Variants in SMAP1 observed in about 807,000 individuals in gnomAD.
SMAP1 encodes the protein stromal membrane-associated protein 1.
In SMAP1, 24 loss-of-function variants were observed where a neutral mutation model predicts 58.5. The ratio of observed to expected loss-of-function variants is 0.41; its 90% CI spans 0.30 to 0.58. SMAP1 has a LOEUF of 0.58. Among genes scored for constraint, SMAP1 ranks in the 20% least tolerant of loss-of-function variants. SMAP1 has a pLI of 0.29. For missense variants in SMAP1, 563 were observed against 566.3 expected (o/e 0.99, Z 0.06); for synonymous variants, 216 against 196.6 (o/e 1.10, Z -0.82).
At chr6:70,809,400 A>G (rs577675191) in intron 6 of SMAP1, among the ~76,000 whole-genome samples, 1 of 152,362 alleles carries the variant, frequency 6.6e-6, no homozygotes, top group Non-Finnish European at 1.5e-5. Flanking sequence ...TTTGATAAAT[A>G]TGTCAGCTAA....
At chr6:70,804,181 G>T (rs1769006342) in intron 6 of SMAP1, among the ~76,000 whole-genome samples, 1 of 152,132 alleles carries the variant, frequency 6.6e-6, no homozygotes, top group African/African-American at 2.4e-5. Context: ...CCTGTATTGG[G>T]TGCATATATA....
intron 2 of SMAP1, among the ~76,000 whole-genome samples, chr6:70,736,980 G>A (rs375045276): frequency 6.6e-6 from 1 of 152,204 alleles, no homozygotes; most frequent in Non-Finnish European, 1.5e-5. Flanking sequence ...TGGTCTTCAT[G>A]TTCCTCTGCC....
chr6:70,749,451 C>T (rs887649352), intron 2 of SMAP1, among the ~76,000 whole-genome samples: 1 of 152,148 alleles, frequency 6.6e-6, no homozygotes, highest in African/African-American at 2.4e-5. Flanking sequence ...ATGTGGCATC[C>T]TTCTGTTAAA....
At position 70,799,622 on chromosome 6, in the gene SMAP1, A is replaced by C. The variant is rs371509810; in HGVS notation, c.576+885A>C. ...ATTGAGGCATAAATTGGATACTGCA[A>C]AGTACATCCATTTAAAGTACATAAT... is the stretch of plus-strand genomic sequence containing the variant. On this transcript the variant is annotated intron_variant, in intron 6 of 10. Transcript: ENST00000370455. 4.6e-5 allele frequency among the ~76,000 whole-genome samples: 7 copies of C among 152,328 alleles called. No individual in the cohort carries two copies. The East Asian group carries it at 1.3e-3, about 29-fold the overall frequency.
intron 1 of SMAP1, among the ~76,000 whole-genome samples, chr6:70,704,759 T>G (rs1265083518): frequency 6.6e-6 from 1 of 152,244 alleles, no homozygotes; most frequent in Non-Finnish European, 1.5e-5. Context: ...TTTGTGAGCT[T>G]GAAAGACAAG....
chr6:70,860,309 C>T lies in SMAP1; in HGVS notation c.1379C>T (p.Thr460Ile). 1 of 1,612,730 alleles carries T rather than the reference C, an allele frequency of 6.2e-7. No individual in the cohort carries two copies. The highest frequency in any genetic ancestry group is 8.5e-7 in the Non-Finnish European group (1 of 1,179,588). ...AGWSGSSSGQ[T>I]LSTQLWK Reference sequence around the variant, plus strand: ...TGGTCTGGAAGCTCATCAGGTCAGACTCTCAGCACACAACTGTGGAAATGA... The same window carrying T: ...TGGTCTGGAAGCTCATCAGGTCAGATTCTCAGCACACAACTGTGGAAATGA... Residue 460 changes from threonine (T) to isoleucine (I), a missense_variant, in exon 11 of 11, where the codon ACT becomes ATT. Coordinates refer to ENST00000370455, the MANE Select transcript of SMAP1 (RefSeq NM_001044305.3).
chr6:70,861,925 G>T lies in SMAP1; in HGVS notation c.*1591G>T, dbSNP rs1252525392. On this transcript the variant is annotated 3_prime_UTR_variant, in exon 11 of 11. Coordinates refer to ENST00000370455, the MANE Select transcript of SMAP1 (RefSeq NM_001044305.3). The stretch of plus-strand genomic sequence containing the variant: ...TGCATCCCTGGCTGGGATCCACGAC[G>T]CTTAAATACAGCTTTTGGATTGGAC... 1 of 1,613,570 alleles carries T rather than the reference G, an allele frequency of 6.2e-7. No homozygotes were observed.
At chr6:70,712,947 A>T (rs190560719) in intron 1 of SMAP1, among the ~76,000 whole-genome samples, 1 of 150,826 alleles carries the variant, frequency 6.6e-6, no homozygotes, top group Non-Finnish European at 1.5e-5. Flanking sequence ...ATGTGCCACC[A>T]CACCTGGCTC....
intron 3 of SMAP1, among the ~76,000 whole-genome samples, chr6:70,766,642 A>G (rs1767000789): frequency 6.6e-6 from 1 of 152,126 alleles, no homozygotes; most frequent in South Asian, 2.1e-4. Context: ...GATTCTGGTT[A>G]TTAGCCCTTT....
intron 7 of SMAP1, among the ~76,000 whole-genome samples, chr6:70,843,625 C>T (rs1275148076): frequency 6.6e-6 from 1 of 152,182 alleles, no homozygotes; most frequent in African/African-American, 2.4e-5. Flanking sequence ...AAAACTCTAA[C>T]AGGTGAGATT....
At chr6:70,829,264 CTTTTTG>C (rs533047776) in intron 6 of SMAP1, among the ~76,000 whole-genome samples, 200 of 150,378 alleles carry the variant, frequency 1.3e-3, no homozygotes, top group Non-Finnish European at 2.2e-3. Context: ...TCTTTGTCTT[CTTTTTG>C]TTTTTGTTTT....
intron 5 of SMAP1, among the ~76,000 whole-genome samples, chr6:70,794,841 T>G (rs1768532525): frequency 6.9e-6 from 1 of 145,312 alleles, no homozygotes; most frequent in African/African-American, 2.6e-5. Context: ...CAGGTTGGAG[T>G]GCAGTGGCAC....
At chr6:70,767,767 G>C (rs1368755147) in intron 3 of SMAP1, among the ~76,000 whole-genome samples, 1 of 138,848 alleles carries the variant, frequency 7.2e-6, no homozygotes, top group African/African-American at 2.8e-5. Flanking sequence ...AATTGCCCTG[G>C]CCAGAACTTC....
intron 1 of SMAP1, among the ~76,000 whole-genome samples, chr6:70,682,170 A>ATTTTTTTTT (rs66981900): frequency 1.8e-4 from 17 of 95,916 alleles, no homozygotes; most frequent in Non-Finnish European, 1.8e-4. Flanking sequence ...CTCTGCACAG[A>ATTTTTTTTT]TTTTTTTTTT....
intron 3 of SMAP1, among the ~76,000 whole-genome samples, chr6:70,764,629 G>T (rs962982428): frequency 6.6e-6 from 1 of 152,126 alleles, no homozygotes; most frequent in African/African-American, 2.4e-5. Flanking sequence ...TAAGTCCACC[G>T]TTGAGACCTG....
Position 70,811,804 on chromosome 6 carries a change from A to T in SMAP1, c.576+13067A>T, listed in dbSNP as rs142292389. 3.2e-3 allele frequency among the ~76,000 whole-genome samples: 480 copies of T among 152,280 alleles called. 2 individuals are homozygous for T. The highest frequency in any genetic ancestry group is 0.01 in the African/African-American group (416 of 41,554). Reference sequence around the variant, plus strand: ...TTGCTTTTTGGAATTTGTGAAACTCATGGAAATGGAGGGCCAACTGTATCC... The same window carrying T: ...TTGCTTTTTGGAATTTGTGAAACTCTTGGAAATGGAGGGCCAACTGTATCC... On this transcript the variant is annotated intron_variant, in intron 6 of 10. Transcript: ENST00000370455.
At chr6:70,790,077 C>T (rs891168135) in intron 4 of SMAP1, among the ~76,000 whole-genome samples, 12 of 152,176 alleles carry the variant, frequency 7.9e-5, no homozygotes, top group Admixed American at 2.6e-4. Flanking sequence ...TTTTCATGAG[C>T]TTGGGCAAAG....
Position 70,798,642 on chromosome 6 carries a change from T to C in SMAP1, c.496-15T>C. ...TAAAAAAGTAAACTTATCAAAACTT[T>C]GGGCTGTGTTTTAGAAAGAAAAGGA... is the stretch of plus-strand genomic sequence containing the variant. On this transcript the variant is annotated splice_polypyrimidine_tract_variant and intron_variant, in intron 5 of 10. Coordinates refer to ENST00000370455, the MANE Select transcript of SMAP1 (RefSeq NM_001044305.3). The C allele has an allele frequency of 6.7e-7, 1 of 1,491,328 alleles. No individual in the cohort carries two copies. Among genetic ancestry groups the C allele is most frequent in the Admixed American group, 2.5e-5 (1 of 39,478 alleles). 92.4% of individuals were successfully genotyped at this position (1,491,328 alleles called of 1,614,324 possible). A position where few individuals can be genotyped will look rare whatever the true frequency, so the allele number is the denominator to read the frequency against.
intron 3 of SMAP1, among the ~76,000 whole-genome samples, chr6:70,762,627 T>C (rs1462473711): frequency 6.6e-6 from 1 of 152,182 alleles, no homozygotes; most frequent in African/African-American, 2.4e-5. Flanking sequence ...AAATTCACTT[T>C]GTAGTGTACT....
Sources: allele counts gnomAD v4.1 joint callset (sites outside exome capture counted in the v4.1 genomes callset), GRCh38; gene constraint gnomAD v4.1.1; transcripts MANE v1.5; gene names NCBI Gene and HGNC (gene_info 2026-07-23, HGNC 2026-07-21).